Variants in SHROOM4 observed in about 807,000 individuals in gnomAD.
SHROOM4 encodes protein Shroom4.
A neutral mutation model predicts 80.3 loss-of-function variants in SHROOM4; 17 were observed. That is an observed-to-expected ratio of 0.21 (90% CI 0.14 to 0.32). The LOEUF is 0.32. Ranked by LOEUF, SHROOM4 falls within the 10% of genes least tolerant of loss-of-function variation. The pLI, the probability that SHROOM4 is intolerant of heterozygous loss-of-function variation, is 1.00. For synonymous variants in SHROOM4, 400 were observed against 437.5 expected (o/e 0.91, Z 1.07); for missense variants, 993 against 1,140.3 (o/e 0.87, Z 1.86).
chrX:50,596,340 G>T lies in SHROOM4; in HGVS notation c.*355C>A, dbSNP rs782141544. On this transcript the variant is annotated 3_prime_UTR_variant, in exon 9 of 9. Coordinates refer to ENST00000376020, the MANE Select transcript of SHROOM4 (RefSeq NM_020717.5). ...CTCTGAGCCTTTAGAGGCTGTTGAT[G>T]ATATGGGTGGGTGATGAGTACTTGA... The T allele has an allele frequency of 1.9e-5, 7 of 374,943 alleles. No individual in the cohort carries two copies. Among genetic ancestry groups the T allele is most frequent in the Admixed American group, 1.5e-4 (5 of 33,580 alleles). The allele number at this position is 374,943 out of a possible 1,213,427, so 30.9% of individuals were successfully genotyped here.
At chrX:50,730,617 A>G (rs1287960540) in intron 1 of SHROOM4, among the ~76,000 whole-genome samples, 1 of 108,940 alleles carries the variant, frequency 9.2e-6, no homozygotes, top group Non-Finnish European at 1.9e-5. Context: ...CTCTACAAAA[A>G]TACAAAAATT....
chrX:50,629,157 G>A (rs1178940230), intron 4 of SHROOM4, among the ~76,000 whole-genome samples: 3 of 111,069 alleles, frequency 2.7e-5, no homozygotes, highest in Non-Finnish European at 3.8e-5. Flanking sequence ...TTTTCCCTAA[G>A]CCACATAGGT....
At chrX:50,703,012 A>C (rs1933560970) in intron 1 of SHROOM4, among the ~76,000 whole-genome samples, 1 of 111,683 alleles carries the variant, frequency 9.0e-6, no homozygotes, top group African/African-American at 3.3e-5. Context: ...TCATAGTTTT[A>C]ATCAAGGCAA....
At chrX:50,580,065 A>G in the SHROOM4 span, among the ~76,000 whole-genome samples, 1 of 111,558 alleles carries the variant, frequency 9.0e-6, no homozygotes, top group African/African-American at 3.3e-5. Flanking sequence ...TCACATCCCC[A>G]TATCACATCA....
chrX:50,658,848 T>C (rs1224382003), intron 2 of SHROOM4, among the ~76,000 whole-genome samples: 2 of 111,327 alleles, frequency 1.8e-5, no homozygotes, highest in Non-Finnish European at 3.8e-5. Context: ...ACTGCATCCA[T>C]GTTGGGGAGC....
chrX:50,709,357 G>A (rs974591985), intron 1 of SHROOM4, among the ~76,000 whole-genome samples: 1 of 112,182 alleles, frequency 8.9e-6, no homozygotes, highest in Admixed American at 9.4e-5. Flanking sequence ...CCCAAAAGCA[G>A]AACATGGTCT....
chrX:50,788,415 G>A (rs1211030557), intron 1 of SHROOM4, among the ~76,000 whole-genome samples: 2 of 110,772 alleles, frequency 1.8e-5, no homozygotes, highest in Admixed American at 9.6e-5. Flanking sequence ...TAAGACAGAC[G>A]AGACCACGGT....
chrX:50,651,563 G>A (rs1359418479), intron 2 of SHROOM4, among the ~76,000 whole-genome samples: 1 of 111,674 alleles, frequency 9.0e-6, no homozygotes, highest in African/African-American at 3.3e-5. Context: ...AACTCTGGGG[G>A]TGGGGCCCAG....
chrX:50,689,378 G>C (rs1469356312), intron 2 of SHROOM4, among the ~76,000 whole-genome samples: 3 of 111,740 alleles, frequency 2.7e-5, no homozygotes, highest in African/African-American at 9.8e-5. Context: ...GGAGAGCATG[G>C]CTAAACCAGA....
At position 50,598,361 on chromosome X, in the gene SHROOM4, C is replaced by G. The variant is rs1557247035; in HGVS notation, c.4117G>C (p.Asp1373His). ...EKYHLFVGDL[D>H]KVVNLLLSLS... Reference sequence around the variant, plus strand: ...GACAGCAACAGGTTGACCACTTTGTCCAGGTCCCCAACAAACAAGTGGTAC... The same window carrying G: ...GACAGCAACAGGTTGACCACTTTGTGCAGGTCCCCAACAAACAAGTGGTAC... The change falls in exon 8 of 9, where the codon GAC (aspartate) becomes CAC (histidine). Residue 1373 changes from aspartate (D) to histidine (H), a missense_variant. Asp to His is a moderately conservative substitution (Grantham distance 81, BLOSUM62 -1). Transcript: ENST00000376020. 1 of 1,209,056 alleles carries G rather than the reference C, an allele frequency of 8.3e-7. No individual in the cohort carries two copies. Among genetic ancestry groups the G allele is most frequent in the South Asian group, 1.8e-5 (1 of 56,632 alleles).
chrX:50,652,911 A>T (rs1475184257), intron 2 of SHROOM4, among the ~76,000 whole-genome samples: 1 of 110,946 alleles, frequency 9.0e-6, no homozygotes, highest in Admixed American at 9.6e-5. Context: ...CCTCTGTTCT[A>T]TTCCATTGGT....
chrX:50,810,629 C>T (rs1475768882), intron 1 of SHROOM4, among the ~76,000 whole-genome samples: 2 of 111,749 alleles, frequency 1.8e-5, no homozygotes, highest in Non-Finnish European at 3.8e-5. Flanking sequence ...CAACCCAGTC[C>T]GTCACCAAGT....
chrX:50,711,521 T>G (rs1039169594), intron 1 of SHROOM4, among the ~76,000 whole-genome samples: 1 of 112,170 alleles, frequency 8.9e-6, no homozygotes, highest in Non-Finnish European at 1.9e-5. Flanking sequence ...CTGTAAATTT[T>G]ACCTCAAAAG....
At chrX:50,698,244 T>C (rs1933426076) in intron 1 of SHROOM4, among the ~76,000 whole-genome samples, 1 of 112,129 alleles carries the variant, frequency 8.9e-6, no homozygotes, top group African/African-American at 3.2e-5. Context: ...GCATTTGGCA[T>C]TCCTTACTGC....
chrX:50,686,248 G>A (rs1419737684), intron 2 of SHROOM4, among the ~76,000 whole-genome samples: 3 of 110,300 alleles, frequency 2.7e-5, no homozygotes, highest in Non-Finnish European at 5.7e-5. Context: ...TGTTAGCCAG[G>A]ATGGTCGCGA....
chrX:50,592,360 A>G lies in SHROOM4; in HGVS notation c.*4335T>C. 3.9e-6 allele frequency: 1 copy of G among 258,758 alleles called. No individual in the cohort carries two copies. The highest frequency in any genetic ancestry group is 3.7e-5 in the South Asian group (1 of 26,874). 21.3% of individuals were successfully genotyped at this position (258,758 alleles called of 1,213,427 possible). A position where few individuals can be genotyped will look rare whatever the true frequency, so the allele number is the denominator to read the frequency against. ...GGATTGTTAGTGGCTTTTATTTATT[A>G]TTTTCAAGTTACAATAACTGCAAGC... is the stretch of plus-strand genomic sequence containing the variant. On this transcript the variant is annotated 3_prime_UTR_variant, in exon 9 of 9. Transcript: ENST00000376020.
chrX:50,793,825 C>A (rs1335236678), intron 1 of SHROOM4, among the ~76,000 whole-genome samples: 1 of 109,492 alleles, frequency 9.1e-6, no homozygotes, highest in African/African-American at 3.3e-5. Context: ...GGCCTTAAGT[C>A]TTTCAATAGT....
At chrX:50,668,925 A>AACAT (rs782482014) in intron 2 of SHROOM4, among the ~76,000 whole-genome samples, 1 of 113,262 alleles carries the variant, frequency 8.8e-6, no homozygotes, top group East Asian at 2.8e-4. Context: ...TAAAGTGAGT[A>AACAT]ACATGAATTG....
Position 50,635,911 on chromosome X carries a change from G to A in SHROOM4, c.405-243C>T, listed in dbSNP as rs145308323. The stretch of plus-strand genomic sequence containing the variant: ...GGGAAACACCCCAAAGACTAAAAGT[G>A]GGAGAGCTCTATGGGGGTTATCCTC... On this transcript the variant is annotated intron_variant, in intron 3 of 8. Coordinates refer to ENST00000376020, the MANE Select transcript of SHROOM4 (RefSeq NM_020717.5). Among the ~76,000 whole-genome samples the A allele has an allele frequency of 9.4e-4, 104 of 110,825 alleles. 1 individual carries two copies. Among genetic ancestry groups the A allele is most frequent in the African/African-American group, 3.3e-3 (100 of 30,473 alleles).
Sources: allele counts gnomAD v4.1 joint callset (sites outside exome capture counted in the v4.1 genomes callset), GRCh38; gene constraint gnomAD v4.1.1; transcripts MANE v1.5; gene names NCBI Gene and HGNC (gene_info 2026-07-23, HGNC 2026-07-21).